The following GRM4 variants were observed in gnomAD, a reference collection of about 807,000 sequenced individuals.
GRM4 encodes the protein metabotropic glutamate receptor 4.
In GRM4, 28 loss-of-function variants were observed where a neutral mutation model predicts 81.7. That is an observed-to-expected ratio of 0.34 (90% CI 0.25 to 0.47). GRM4 has a LOEUF of 0.47. Among genes scored for constraint, GRM4 ranks in the 20% least tolerant of loss-of-function variants. The probability of loss-of-function intolerance (pLI) is 1.00; values close to 1 mark genes in which losing one functional copy is unlikely to be tolerated. For missense variants in GRM4, 948 were observed against 1,290.0 expected (o/e 0.73, Z 4.06); for synonymous variants, 488 against 528.8 (o/e 0.92, Z 1.06).
intron 2 of GRM4, among the ~76,000 whole-genome samples, chr6:34,105,073 T>A (rs1167123205): frequency 6.6e-6 from 1 of 151,300 alleles, no homozygotes; most frequent in Non-Finnish European, 1.5e-5. Flanking sequence ...CGTTCTCGAG[T>A]CAAGTTAATG....
chr6:34,064,411 G>A lies in GRM4; in HGVS notation c.737-2383C>T, dbSNP rs1387516860. ...ATCACAAAGATAGTCAGGGGAAGAG[G>A]TGGGGTTTGAACTTGGGCCATCTGG... On this transcript the variant is annotated intron_variant, in intron 3 of 10. Transcript: ENST00000538487. The surrounding 1 kb of genome is among the most constrained non-coding windows in gnomAD (Gnocchi z 4.4). Among the ~76,000 whole-genome samples, 3 of 152,202 alleles carry A rather than the reference G, an allele frequency of 2.0e-5. No homozygotes were observed. The highest frequency in any genetic ancestry group is 1.3e-4 in the Admixed American group (2 of 15,286).
intron 5 of GRM4, among the ~76,000 whole-genome samples, chr6:34,057,515 C>T (rs753327702): frequency 3.3e-5 from 5 of 152,206 alleles, no homozygotes; most frequent in Non-Finnish European, 7.4e-5. Flanking sequence ...GGGATAATTC[C>T]TGTGGGGGGC....
At chr6:34,116,037 G>C (rs1769585943) in intron 2 of GRM4, among the ~76,000 whole-genome samples, 1 of 152,208 alleles carries the variant, frequency 6.6e-6, no homozygotes, top group Non-Finnish European at 1.5e-5. Flanking sequence ...TCAGAATGAA[G>C]AAAAAGCTGA....
In GRM4 at chr6:34,134,010, C is replaced by T. The variant is rs142839492; in HGVS notation, c.-363-151G>A. 4.1e-3 allele frequency among the ~76,000 whole-genome samples: 629 copies of T among 152,280 alleles called. 6 individuals carry two copies. The highest frequency in any genetic ancestry group is 0.014 in the African/African-American group (597 of 41,538). ...TCTCCTGAACTTGGTTTCCTCTCCGCCATTGCTCAAATCTGGCTTAAATGG... is the reference window on the plus strand; with the variant it reads ...TCTCCTGAACTTGGTTTCCTCTCCGTCATTGCTCAAATCTGGCTTAAATGG... On this transcript the variant is annotated intron_variant, in intron 1 of 10. Coordinates refer to ENST00000538487, the MANE Select transcript of GRM4 (RefSeq NM_000841.4).
chr6:34,112,618 T>C (rs974740427), intron 2 of GRM4, among the ~76,000 whole-genome samples: 1 of 152,050 alleles, frequency 6.6e-6, no homozygotes, highest in African/African-American at 2.4e-5. Context: ...TTAGTGCCCA[T>C]GGCAGGTTCC....
At chr6:34,110,800 C>T (rs1463299405) in intron 2 of GRM4, 2 of 1,405,262 alleles carry the variant, frequency 1.4e-6, no homozygotes, top group Non-Finnish European at 1.9e-6. Context: ...GCCCAGGCTG[C>T]AGGCCATCTG....
In GRM4 at chr6:34,090,063, TC is replaced by T. The variant is rs1360502529; in HGVS notation, c.736+1819del. ...CTGGTGCTAGCTATTATTCAGCCTCTCTGTGCCTGCACTTCCTCTCCTGCAA... is the reference window on the plus strand; with the variant it reads ...CTGGTGCTAGCTATTATTCAGCCTCTTGTGCCTGCACTTCCTCTCCTGCAA... On this transcript the variant is annotated intron_variant, in intron 3 of 10. Transcript: ENST00000538487. This position sits in a 1 kb window ranked among gnomAD's most constrained non-coding sequence, Gnocchi z 5.2. Among the ~76,000 whole-genome samples the T allele has an allele frequency of 6.6e-6, 1 of 152,214 alleles. No homozygotes were observed. The highest frequency in any genetic ancestry group is 2.4e-5 in the African/African-American group (1 of 41,462).
intron 2 of GRM4, among the ~76,000 whole-genome samples, chr6:34,104,587 C>T (rs74416897): frequency 0.012 from 1,760 of 152,296 alleles, 10 homozygotes; most frequent in Non-Finnish European, 0.019. Flanking sequence ...CTGGCCCCAG[C>T]CCCTAAGCAC....
At chr6:34,044,091 CATAGACATACAT>C (rs1765145619) in intron 6 of GRM4, among the ~76,000 whole-genome samples, 1 of 150,282 alleles carries the variant, frequency 6.7e-6, no homozygotes, top group Non-Finnish European at 1.5e-5. Context: ...CACACACACA[CATAGACATACAT>C]ACACATATAT....
chr6:34,056,322 C>G (rs1265797494), intron 6 of GRM4: 1 of 573,168 alleles, frequency 1.7e-6, no homozygotes, highest in East Asian at 2.9e-5. Flanking sequence ...GGCCTTACCA[C>G]TCCCAAGGAT....
Position 34,035,504 on chromosome 6 carries a change from A to G in GRM4, c.2442+164T>C, listed in dbSNP as rs1286342333. Among the ~76,000 whole-genome samples the G allele has an allele frequency of 6.6e-6, 1 of 152,160 alleles. No homozygotes were observed. The highest frequency in any genetic ancestry group is 1.5e-5 in the Non-Finnish European group (1 of 68,026). On this transcript the variant is annotated intron_variant, in intron 9 of 10. Transcript: ENST00000538487. This position sits in a 1 kb window ranked among gnomAD's most constrained non-coding sequence, Gnocchi z 6.6. ...AAAACTTGCAGCTGGGAGAGAAGGCAGAATGAGGCATGAAAGAAGGCAGAA... is the reference window on the plus strand; with the variant it reads ...AAAACTTGCAGCTGGGAGAGAAGGCGGAATGAGGCATGAAAGAAGGCAGAA...
At chr6:34,107,299 G>A (rs1030527683) in intron 2 of GRM4, among the ~76,000 whole-genome samples, 2 of 152,180 alleles carry the variant, frequency 1.3e-5, no homozygotes, top group Non-Finnish European at 2.9e-5. Flanking sequence ...CTGGCAAGGG[G>A]GGAGAGGCGA....
chr6:34,035,252 A>G lies in GRM4; in HGVS notation c.2442+416T>C, dbSNP rs1035316380. ...AAGGGGTGAGAGAATAGGAGGAGGAAAGAATGAAAGGAGATGGGGTAAGGG... is the reference window on the plus strand; with the variant it reads ...AAGGGGTGAGAGAATAGGAGGAGGAGAGAATGAAAGGAGATGGGGTAAGGG... On this transcript the variant is annotated intron_variant, in intron 9 of 10. Transcript: ENST00000538487. This position sits in a 1 kb window ranked among gnomAD's most constrained non-coding sequence, Gnocchi z 6.6. Among the ~76,000 whole-genome samples the G allele has an allele frequency of 2.0e-5, 3 of 147,568 alleles. No individual in the cohort carries two copies. The highest frequency in any genetic ancestry group is 3.0e-5 in the Non-Finnish European group (2 of 66,998).
chr6:34,058,824 CA>C (rs3839388), intron 5 of GRM4, 149 bp downstream of exon 5: 134,364 of 651,946 alleles, frequency 0.21, 15,553 homozygotes, highest in African/African-American at 0.4. Context: ...ACTCCCAGCC[CA>C]AAACCTCAGA....
intron 2 of GRM4, among the ~76,000 whole-genome samples, chr6:34,097,228 T>A (rs768884470): frequency 6.6e-6 from 1 of 151,896 alleles, no homozygotes; most frequent in Non-Finnish European, 1.5e-5. Context: ...TGTTGCAGAG[T>A]GGCCAGAGAG....
intron 2 of GRM4, among the ~76,000 whole-genome samples, chr6:34,123,212 T>C (rs1029416083): frequency 6.6e-6 from 1 of 152,000 alleles, no homozygotes; most frequent in Non-Finnish European, 1.5e-5. Context: ...GAGCCAGAGA[T>C]CACCCCAGCG....
At chr6:34,139,184 A>G (rs1480561105) in intron 1 of GRM4, among the ~76,000 whole-genome samples, 1 of 152,168 alleles carries the variant, frequency 6.6e-6, no homozygotes, top group African/African-American at 2.4e-5. Context: ...AGCCTCGACC[A>G]GGAAGCCTCC....
In GRM4 at chr6:34,057,393, G is replaced by A. The variant is rs558888601; in HGVS notation, c.1028-709C>T. On this transcript the variant is annotated intron_variant, in intron 5 of 10. Transcript: ENST00000538487. ...CGTGGAGCTTCCTGCCCATGGAAGCGTCCAAGTGGAAGCAAAATGACCGGC... is the reference window on the plus strand; with the variant it reads ...CGTGGAGCTTCCTGCCCATGGAAGCATCCAAGTGGAAGCAAAATGACCGGC... Among the ~76,000 whole-genome samples the A allele has an allele frequency of 1.6e-4, 24 of 152,308 alleles. No individual in the cohort carries two copies. The East Asian group carries it at 4.1e-3, about 26-fold the overall frequency.
At chr6:34,026,717 C>T (rs1206644815) in intron 10 of GRM4, among the ~76,000 whole-genome samples, 1 of 152,198 alleles carries the variant, frequency 6.6e-6, no homozygotes, top group Non-Finnish European at 1.5e-5. Flanking sequence ...TCAGAGCTCT[C>T]TGTGAGGGCC....
Sources: gnomAD v4.1 joint callset for allele counts (sites outside exome capture counted in the v4.1 genomes callset) on GRCh38, gnomAD v4.1.1 for gene constraint, Gnocchi (gnomAD v3.1) non-coding constraint, MANE v1.5 for transcripts, NCBI Gene and HGNC (gene_info 2026-07-23, HGNC 2026-07-21) for gene names.